Variants in ITPK1 observed in about 807,000 individuals in gnomAD.
ITPK1 encodes the protein inositol-tetrakisphosphate 1-kinase, also known as inositol 1,3,4-trisphosphate 5/6-kinase.
In ITPK1, 21 loss-of-function variants were observed where a neutral mutation model predicts 45.3. The ratio of observed to expected loss-of-function variants is 0.46; its 90% CI spans 0.33 to 0.67. The LOEUF (loss-of-function observed/expected upper bound fraction) is 0.67, where lower values mean the gene tolerates loss of function less well. Among genes scored for constraint, ITPK1 ranks in the 30% least tolerant of loss-of-function variants. The pLI, the probability that ITPK1 is intolerant of heterozygous loss-of-function variation, is 0.02. For synonymous variants in ITPK1, 258 were observed against 253.6 expected (o/e 1.02, Z -0.16); for missense variants, 474 against 573.5 (o/e 0.83, Z 1.77).
rs1889131948 is a variant in ITPK1, at chr14:93,032,687, GC to G, written c.121-15887del. 6.6e-6 allele frequency among the ~76,000 whole-genome samples: 1 copy of G among 152,214 alleles called. No homozygotes were observed. Among genetic ancestry groups the G allele is most frequent in the Admixed American group, 6.5e-5 (1 of 15,280 alleles). ...CCACATACACACCATGCTGGGCGGG[GC>G]AGCTTGATGCCCTTGAATATCTTCC... On this transcript the variant is annotated intron_variant, in intron 3 of 10. Transcript: ENST00000267615. This position sits in a 1 kb window ranked among gnomAD's most constrained non-coding sequence, Gnocchi z 4.0.
intron 3 of ITPK1, among the ~76,000 whole-genome samples, chr14:93,057,100 G>C (rs1890241945): frequency 1.3e-5 from 2 of 152,146 alleles, no homozygotes; most frequent in Admixed American, 1.3e-4. Context: ...CATAGGCCGA[G>C]GATGAGTAAT....
intron 3 of ITPK1, among the ~76,000 whole-genome samples, chr14:93,041,696 G>C (rs190037327): frequency 6.6e-6 from 1 of 152,320 alleles, no homozygotes; most frequent in East Asian, 1.9e-4. Context: ...CCACCATGAC[G>C]AATGCTCCCT....
chr14:93,104,954 T>G (rs917937398), intron 2 of ITPK1, among the ~76,000 whole-genome samples: 2 of 152,222 alleles, frequency 1.3e-5, no homozygotes, highest in African/African-American at 4.8e-5. Context: ...CACAAGTGTC[T>G]ATCTGGCCAG....
chr14:93,069,123 G>C (rs1434796916), intron 3 of ITPK1: 1 of 153,504 alleles, frequency 6.5e-6, no homozygotes, highest in East Asian at 1.9e-4. Flanking sequence ...GGAGCCCCTG[G>C]AGAGCACATC....
intron 5 of ITPK1, among the ~76,000 whole-genome samples, chr14:92,991,537 T>C (rs1886789843): frequency 1.3e-5 from 2 of 152,102 alleles, no homozygotes; most frequent in African/African-American, 4.8e-5. Flanking sequence ...CCCTTATGGG[T>C]AGCTCCTAAA....
chr14:93,029,325 C>A (rs1466147532), intron 3 of ITPK1, among the ~76,000 whole-genome samples: 1 of 152,102 alleles, frequency 6.6e-6, no homozygotes, highest in Non-Finnish European at 1.5e-5. Flanking sequence ...CCCTTGGGGA[C>A]CCTGAGCTTA....
intron 2 of ITPK1, among the ~76,000 whole-genome samples, chr14:93,085,659 CAGG>C (rs1340591798): frequency 6.6e-6 from 1 of 152,184 alleles, no homozygotes; most frequent in East Asian, 1.9e-4. Flanking sequence ...GAGGCGAGGG[CAGG>C]AGATCACGCA....
At chr14:93,015,600 G>A (rs1888135568) in intron 4 of ITPK1, among the ~76,000 whole-genome samples, 1 of 152,248 alleles carries the variant, frequency 6.6e-6, no homozygotes, top group Admixed American at 6.5e-5. Flanking sequence ...TGGACTTGGG[G>A]CCACTGGCAG....
At chr14:93,037,463 G>A (rs554779164) in intron 3 of ITPK1, among the ~76,000 whole-genome samples, 2 of 152,348 alleles carry the variant, frequency 1.3e-5, no homozygotes, top group South Asian at 4.1e-4. Context: ...CTGGCTGAAG[G>A]CGCAGGTAAG....
chr14:93,073,510 G>A (rs1891104188), intron 3 of ITPK1, among the ~76,000 whole-genome samples: 1 of 152,192 alleles, frequency 6.6e-6, no homozygotes, highest in African/African-American at 2.4e-5. Context: ...CTCAATAAAA[G>A]GACTGTTACT....
chr14:93,021,694 G>A (rs1442868909), intron 3 of ITPK1, among the ~76,000 whole-genome samples: 1 of 152,172 alleles, frequency 6.6e-6, no homozygotes, highest in Non-Finnish European at 1.5e-5. Context: ...AGGAAGACTG[G>A]AGAAGAGGAG....
At chr14:93,037,331 C>A (rs1159444725) in intron 3 of ITPK1, among the ~76,000 whole-genome samples, 1 of 152,174 alleles carries the variant, frequency 6.6e-6, no homozygotes, top group African/African-American at 2.4e-5. Context: ...TGTGTGTCTG[C>A]CTTTCTTTCA....
At chr14:93,062,303 C>T (rs1595180114) in intron 3 of ITPK1, among the ~76,000 whole-genome samples, 1 of 151,702 alleles carries the variant, frequency 6.6e-6, no homozygotes, top group African/African-American at 2.4e-5. Flanking sequence ...TGTTGGTGCA[C>T]ACCATGGTCC....
intron 3 of ITPK1, chr14:93,069,013 C>T (rs1267629232): frequency 6.6e-6 from 1 of 152,414 alleles, no homozygotes; most frequent in Non-Finnish European, 1.5e-5. Context: ...CGGCCAGAAA[C>T]AAGGGAGGAG....
rs1211400611 is a variant in ITPK1 at position 93,036,162 on chromosome 14, G to T, written c.121-19361C>A. ...GAGCCCAAGGTCCCAGGAGCCCAAG[G>T]TCGGTAACTTCAAGAGCTGCGGGGA... On this transcript the variant is annotated intron_variant, in intron 3 of 10. Transcript: ENST00000267615. This position sits in a 1 kb window ranked among gnomAD's most constrained non-coding sequence, Gnocchi z 4.1. Among the ~76,000 whole-genome samples, 1 of 152,140 alleles carries T rather than the reference G, an allele frequency of 6.6e-6. No homozygotes were observed. The highest frequency in any genetic ancestry group is 1.5e-5 in the Non-Finnish European group (1 of 68,022).
intron 4 of ITPK1, among the ~76,000 whole-genome samples, chr14:93,001,308 CA>C: frequency 6.8e-6 from 1 of 147,344 alleles, no homozygotes; most frequent in South Asian, 2.1e-4. Flanking sequence ...AACAAACAAA[CA>C]AACAAACAAA....
chr14:92,941,602 G>A lies in ITPK1; in HGVS notation c.1204C>T (p.His402Tyr). 1.3e-6 allele frequency: 2 copies of A among 1,537,560 alleles called. No individual in the cohort carries two copies. The highest frequency in any genetic ancestry group is 8.7e-7 in the Non-Finnish European group (1 of 1,144,528). Residue 402 changes from histidine (H) to tyrosine (Y), a missense_variant, in exon 11 of 11, where the codon CAT (histidine) becomes TAT (tyrosine). This residue lies in a region of ITPK1 where 107 missense variants were observed against 92.9 expected (regional missense o/e 1.15). Transcript: ENST00000267615. ...NAGVSPSFQQ[H>Y]CVASLATKAS... ...TTGGTGGCCAGGGAGGCCACACAAT[G>A]CTGCTGGAAGCTGGGCGACACGCCG... is the stretch of plus-strand genomic sequence containing the variant.
At chr14:93,022,105 A>G (rs951553628) in intron 3 of ITPK1, among the ~76,000 whole-genome samples, 9 of 152,200 alleles carry the variant, frequency 5.9e-5, no homozygotes, top group Admixed American at 4.6e-4. Flanking sequence ...CAGCAAGCAC[A>G]GCTCCTTAAG....
At chr14:93,103,720 G>T (rs1190699348) in intron 2 of ITPK1, among the ~76,000 whole-genome samples, 2 of 152,182 alleles carry the variant, frequency 1.3e-5, no homozygotes, top group Admixed American at 6.5e-5. Flanking sequence ...TTCCAGGGGA[G>T]GGGGAGGCCT....
Sources: gnomAD v4.1 joint callset for allele counts (sites outside exome capture counted in the v4.1 genomes callset) on GRCh38, gnomAD v4.1.1 for gene constraint, gnomAD v4.1.1 regional missense constraint, Gnocchi (gnomAD v3.1) non-coding constraint, MANE v1.5 for transcripts, NCBI Gene and HGNC (gene_info 2026-07-23, HGNC 2026-07-21) for gene names.